Variants in PDE4B observed in about 807,000 individuals in gnomAD.
PDE4B encodes the protein 3',5'-cyclic-AMP phosphodiesterase 4B.
A neutral mutation model predicts 82.2 loss-of-function variants in PDE4B; 20 were observed. That is an observed-to-expected ratio of 0.24 (90% CI 0.17 to 0.35). The LOEUF (loss-of-function observed/expected upper bound fraction) is 0.35. PDE4B is among the 10% of genes least tolerant of loss of function. The pLI, the probability that PDE4B is intolerant of heterozygous loss-of-function variation, is 1.00. For synonymous variants in PDE4B, 320 were observed against 318.9 expected (o/e 1.00, Z -0.04); for missense variants, 655 against 907.2 (o/e 0.72, Z 3.57).
intron 8 of PDE4B, among the ~76,000 whole-genome samples, chr1:66,348,696 T>G (rs1661594520): frequency 6.6e-6 from 1 of 151,596 alleles, no homozygotes; most frequent in Non-Finnish European, 1.5e-5. Context: ...AGAAAATTCT[T>G]CTTTATCTGA....
chr1:66,164,535 C>CA lies in PDE4B; in HGVS notation c.282-82898dup, dbSNP rs10718019. On this transcript the variant is annotated intron_variant, in intron 3 of 16. Transcript: ENST00000341517. ...TGGACAACAGAGAGAGACTCCGTCT[C>CA]AAAAAAAAAAAAAAAAAAAAAAAAA... 1.6e-3 allele frequency among the ~76,000 whole-genome samples: 76 copies of CA among 48,556 alleles called. 8 individuals are homozygous for CA. Among genetic ancestry groups the CA allele is most frequent in the East Asian group, 6.4e-3 (9 of 1,416 alleles). The allele number at this position is 48,556 out of a possible 152,430, so 31.9% of individuals were successfully genotyped here. A position where few individuals can be genotyped will look rare whatever the true frequency, so the allele number is the denominator to read the frequency against.
intron 3 of PDE4B, among the ~76,000 whole-genome samples, chr1:66,050,034 A>C (rs1373512258): frequency 6.6e-6 from 1 of 152,076 alleles, no homozygotes; most frequent in Non-Finnish European, 1.5e-5. Context: ...ATAGGCAACA[A>C]AAAGTCCCTT....
intron 3 of PDE4B, among the ~76,000 whole-genome samples, chr1:65,994,581 C>T (rs1023353812): frequency 3.9e-5 from 6 of 152,032 alleles, no homozygotes; most frequent in African/African-American, 1.4e-4. Flanking sequence ...CTTTATCCCA[C>T]CCCTAACATG....
At chr1:66,332,235 C>A (rs777843672) in intron 7 of PDE4B, 177 of 1,447,890 alleles carry the variant, frequency 1.2e-4, no homozygotes, top group Middle Eastern at 2.5e-4. Context: ...TTCCCTCCGC[C>A]TTCTTCCTCA....
chr1:66,361,852 C>T (rs1394838455), intron 10 of PDE4B, 59 bp downstream of exon 10: 18 of 1,328,762 alleles, frequency 1.4e-5, no homozygotes, highest in South Asian at 3.0e-5. Context: ...GACGGATGAC[C>T]GTATACCTTT....
chr1:66,007,606 C>G (rs1652221436), intron 3 of PDE4B, among the ~76,000 whole-genome samples: 1 of 152,014 alleles, frequency 6.6e-6, no homozygotes, highest in Non-Finnish European at 1.5e-5. Flanking sequence ...TGAGTCTGCC[C>G]CTGTTATGGT....
At chr1:66,005,308 C>A (rs1350939891) in intron 3 of PDE4B, among the ~76,000 whole-genome samples, 1 of 151,832 alleles carries the variant, frequency 6.6e-6, no homozygotes, top group Non-Finnish European at 1.5e-5. Flanking sequence ...TAGCTTCCTG[C>A]AGAAAGATAA....
intron 7 of PDE4B, among the ~76,000 whole-genome samples, chr1:66,272,477 G>A (rs1299254701): frequency 6.6e-6 from 1 of 152,008 alleles, no homozygotes; most frequent in African/African-American, 2.4e-5. Context: ...GACTACCTCT[G>A]GTAACCCCTT....
At chr1:66,312,626 A>G (rs1051123167) in intron 7 of PDE4B, among the ~76,000 whole-genome samples, 5 of 152,236 alleles carry the variant, frequency 3.3e-5, no homozygotes, top group Non-Finnish European at 7.3e-5. Flanking sequence ...ACCTTTTGCC[A>G]TAGAACAGCA....
chr1:65,842,036 G>T (rs2101348471), intron 1 of PDE4B, among the ~76,000 whole-genome samples: 1 of 152,266 alleles, frequency 6.6e-6, no homozygotes, highest in East Asian at 1.9e-4. Flanking sequence ...TCCCTTCGAT[G>T]TAGTCATGGA....
chr1:65,815,021 TTTTATTTATTTATTTATTTATTTATTTA>T (rs138553972), intron 1 of PDE4B, among the ~76,000 whole-genome samples: 2 of 145,172 alleles, frequency 1.4e-5, no homozygotes, highest in African/African-American at 2.5e-5. Flanking sequence ...TCAACACACA[TTTTATTTATTTATTTATTTATTTATTTA>T]TTTATTTATT....
chr1:65,809,003 T>C (rs921125265), intron 1 of PDE4B, among the ~76,000 whole-genome samples: 4 of 152,034 alleles, frequency 2.6e-5, no homozygotes, highest in African/African-American at 9.7e-5. Context: ...TTTGAACATG[T>C]TATGTGGTGT....
chr1:66,093,300 G>A lies in PDE4B; in HGVS notation c.282-154160G>A, dbSNP rs72667471. 3.7e-3 allele frequency among the ~76,000 whole-genome samples: 561 copies of A among 152,100 alleles called. 4 individuals are homozygous for A. The highest frequency in any genetic ancestry group is 0.031 in the Middle Eastern group (9 of 294). ...TTTAAGATGATTTTATTACGTATTTGTATATACATTATTTCATTTAATTCT... is the reference window on the plus strand; with the variant it reads ...TTTAAGATGATTTTATTACGTATTTATATATACATTATTTCATTTAATTCT... On this transcript the variant is annotated intron_variant, in intron 3 of 16. Transcript: ENST00000341517.
chr1:65,858,406 C>G (rs765552195), intron 1 of PDE4B, among the ~76,000 whole-genome samples: 2 of 152,126 alleles, frequency 1.3e-5, no homozygotes, highest in African/African-American at 2.4e-5. Context: ...CTTTTTTACA[C>G]AAGAAAATGT....
chr1:65,929,767 A>G (rs540593340), intron 3 of PDE4B, among the ~76,000 whole-genome samples: 1 of 152,318 alleles, frequency 6.6e-6, no homozygotes, highest in East Asian at 1.9e-4. Context: ...GCCTCTCATG[A>G]GTGGTGAATT....
chr1:66,090,621 A>ATATATATATATATATATATATGTGTGTG, intron 3 of PDE4B, among the ~76,000 whole-genome samples: 1 of 122,726 alleles, frequency 8.1e-6, no homozygotes, highest in African/African-American at 4.1e-5. Flanking sequence ...TATATAATAT[A>ATATATATATATATATATATATGTGTGTG]TGTGTGTGTG....
intron 1 of PDE4B, among the ~76,000 whole-genome samples, chr1:65,873,744 G>A (rs1008995847): frequency 9.9e-5 from 15 of 152,100 alleles, no homozygotes; most frequent in African/African-American, 2.4e-4. Flanking sequence ...TTATGAAAAC[G>A]TGGAATTCTA....
intron 3 of PDE4B, among the ~76,000 whole-genome samples, chr1:66,069,153 G>T (rs550853213): frequency 6.6e-6 from 1 of 152,068 alleles, no homozygotes; most frequent in Admixed American, 6.6e-5. Context: ...GTCCTCTATT[G>T]TGTATTTTAA....
At chr1:66,318,598 A>T (rs1180301270) in intron 7 of PDE4B, among the ~76,000 whole-genome samples, 1 of 152,208 alleles carries the variant, frequency 6.6e-6, no homozygotes, top group Non-Finnish European at 1.5e-5. Flanking sequence ...CGTCCTGGCT[A>T]TAGACTTATG....
Sources: gnomAD v4.1 joint callset for allele counts (sites outside exome capture counted in the v4.1 genomes callset) on GRCh38, gnomAD v4.1.1 for gene constraint, MANE v1.5 for transcripts, NCBI Gene and HGNC (gene_info 2026-07-23, HGNC 2026-07-21) for gene names.